The following AHI1 variants were observed in gnomAD, a reference collection of about 807,000 sequenced individuals.
The protein encoded by AHI1 is jouberin.
In AHI1, 123 loss-of-function variants were observed where a neutral mutation model predicts 149.3. The observed-to-expected ratio is 0.82, with a 90% CI of 0.71 to 0.96. The LOEUF (loss-of-function observed/expected upper bound fraction) is 0.96, where lower values mean the gene tolerates loss of function less well. AHI1 is among the 40% of genes least tolerant of loss of function. AHI1 has a pLI of 0.00. For synonymous variants in AHI1, 475 were observed against 459.8 expected (o/e 1.03, Z -0.42); for missense variants, 1,439 against 1,422.7 (o/e 1.01, Z -0.18).
chr6:135,363,303 G>A (rs1295063789), intron 23 of AHI1, among the ~76,000 whole-genome samples: 4 of 150,540 alleles, frequency 2.7e-5, no homozygotes, highest in Non-Finnish European at 4.5e-5. Context: ...ATCTTGCACC[G>A]CCCTTAATCC....
intron 7 of AHI1, among the ~76,000 whole-genome samples, chr6:135,465,100 T>C (rs905245616): frequency 2.0e-5 from 3 of 152,188 alleles, no homozygotes; most frequent in Non-Finnish European, 2.9e-5. Context: ...CTGAGGGCTT[T>C]AGGGGAAATT....
intron 24 of AHI1, among the ~76,000 whole-genome samples, chr6:135,331,619 T>G (rs1193680121): frequency 6.6e-6 from 1 of 152,042 alleles, no homozygotes; most frequent in Non-Finnish European, 1.5e-5. Context: ...ACCAGTAGAG[T>G]TCAGCAGCAT....
At chr6:135,341,916 C>T (rs1790430293) in intron 24 of AHI1, among the ~76,000 whole-genome samples, 2 of 151,226 alleles carry the variant, frequency 1.3e-5, no homozygotes, top group Non-Finnish European at 3.0e-5. Context: ...AAAAATTAAA[C>T]CCAAAGGAAG....
chr6:135,453,579 A>G (rs1788468253), intron 10 of AHI1, 143 bp from the exon 11 acceptor site: 3 of 651,252 alleles, frequency 4.6e-6, no homozygotes, highest in African/African-American at 3.7e-5. Flanking sequence ...ATCTCATTTC[A>G]TTCACCTTAA....
chr6:135,384,374 A>G (rs542229276), intron 23 of AHI1, among the ~76,000 whole-genome samples: 14 of 152,296 alleles, frequency 9.2e-5, no homozygotes, highest in African/African-American at 3.4e-4. Flanking sequence ...TGTAGTAAAC[A>G]TTTTCCTGTC....
chr6:135,296,258 C>T (rs925142247), intron 27 of AHI1, among the ~76,000 whole-genome samples: 4 of 151,996 alleles, frequency 2.6e-5, no homozygotes, highest in African/African-American at 4.8e-5. Context: ...CACTTTTTTC[C>T]GAGGCACCAC....
At chr6:135,423,843 T>C (rs1035366850) in intron 20 of AHI1, among the ~76,000 whole-genome samples, 9 of 152,096 alleles carry the variant, frequency 5.9e-5, no homozygotes, top group African/African-American at 2.2e-4. Context: ...AGAGGAGACA[T>C]TGCCACCTAG....
intron 27 of AHI1, among the ~76,000 whole-genome samples, chr6:135,297,143 G>A (rs553887379): frequency 2.0e-5 from 3 of 152,166 alleles, no homozygotes; most frequent in Admixed American, 2.0e-4. Context: ...GACAAATAAT[G>A]TTTGCTCAGG....
chr6:135,389,054 T>G (rs757745558), intron 23 of AHI1, among the ~76,000 whole-genome samples: 5 of 151,808 alleles, frequency 3.3e-5, no homozygotes, highest in Non-Finnish European at 1.5e-5. Context: ...CTCATACCTG[T>G]AATCCCAGCA....
At chr6:135,438,238 TG>T (rs1785708460) in intron 15 of AHI1, 136 bp downstream of exon 15, 1 of 741,646 alleles carries the variant, frequency 1.3e-6, no homozygotes, top group Non-Finnish European at 2.0e-6. Flanking sequence ...GGAATCAGTC[TG>T]CATGATGCAT....
intron 5 of AHI1, among the ~76,000 whole-genome samples, chr6:135,472,848 T>C (rs1791966792): frequency 6.6e-6 from 1 of 152,194 alleles, no homozygotes; most frequent in African/African-American, 2.4e-5. Flanking sequence ...TGTTTTCATA[T>C]CAGTGAGCTG....
chr6:135,348,066 TG>T (rs1378447575), intron 24 of AHI1, among the ~76,000 whole-genome samples: 1 of 152,196 alleles, frequency 6.6e-6, no homozygotes, highest in Non-Finnish European at 1.5e-5. Flanking sequence ...GACGGCCGTG[TG>T]GCTATCTCTG....
At chr6:135,334,697 TA>T (rs1441997422) in intron 24 of AHI1, among the ~76,000 whole-genome samples, 1 of 152,230 alleles carries the variant, frequency 6.6e-6, no homozygotes, top group African/African-American at 2.4e-5. Context: ...TACATTGGAC[TA>T]CAGATTTGTT....
chr6:135,433,451 G>A (rs1784942593), intron 15 of AHI1, among the ~76,000 whole-genome samples, 195 bp from the exon 16 acceptor site: 1 of 152,018 alleles, frequency 6.6e-6, no homozygotes, highest in Admixed American at 6.6e-5. Context: ...ATGTGACAAA[G>A]TTATTTGTTA....
intron 20 of AHI1, among the ~76,000 whole-genome samples, chr6:135,422,396 C>T (rs1459457638): frequency 6.6e-6 from 1 of 151,844 alleles, no homozygotes; most frequent in Non-Finnish European, 1.5e-5. Context: ...GTCCCAGCTA[C>T]TCGGGAGGCT....
At position 135,493,445 on chromosome 6, in the gene AHI1, C is replaced by T. The variant is rs191964965; in HGVS notation, c.-54-1154G>A. Among the ~76,000 whole-genome samples the T allele has an allele frequency of 3.9e-3, 595 of 152,314 alleles. 4 individuals carry two copies. The highest frequency in any genetic ancestry group is 0.011 in the South Asian group (53 of 4,830). On this transcript the variant is annotated intron_variant, in intron 3 of 28. Coordinates refer to ENST00000265602, the MANE Select transcript of AHI1 (RefSeq NM_001134831.2). ...GTTAACTTAGGCAACAACTACGTGGCACCCAGTCAAAACAGACATCACTAA... is the reference window on the plus strand; with the variant it reads ...GTTAACTTAGGCAACAACTACGTGGTACCCAGTCAAAACAGACATCACTAA...
chr6:135,445,901 A>T (rs1352842169), intron 13 of AHI1, among the ~76,000 whole-genome samples: 2 of 152,000 alleles, frequency 1.3e-5, no homozygotes, highest in Admixed American at 1.3e-4. Flanking sequence ...CTAAAAATAC[A>T]AAAAATTAGC....
chr6:135,324,063 T>C (rs60362163), intron 24 of AHI1, among the ~76,000 whole-genome samples: 5,744 of 152,296 alleles, frequency 0.038, 385 homozygotes, highest in African/African-American at 0.13. Flanking sequence ...CTCATGCCTG[T>C]AGTCTCAGCA....
intron 14 of AHI1, among the ~76,000 whole-genome samples, chr6:135,439,186 C>A (rs777013830): frequency 1.3e-5 from 2 of 152,212 alleles, no homozygotes; most frequent in Non-Finnish European, 2.9e-5. Context: ...GTTTCACCTT[C>A]TGTGGTTTCA....
Sources: gnomAD v4.1 joint callset for allele counts (sites outside exome capture counted in the v4.1 genomes callset) on GRCh38, gnomAD v4.1.1 for gene constraint, MANE v1.5 for transcripts, NCBI Gene and HGNC (gene_info 2026-07-23, HGNC 2026-07-21) for gene names.